POLB: variants seen among roughly 807,000 people sequenced by gnomAD.
POLB encodes DNA polymerase beta, also known as 5'-dRP lyase.
POLB carries 37 observed loss-of-function variants against 52.7 expected under a neutral mutation model. The observed-to-expected ratio is 0.70, with a 90% CI of 0.54 to 0.92. POLB has a LOEUF of 0.92. Among genes scored for constraint, POLB ranks in the 40% least tolerant of loss-of-function variants. The pLI is 0.00. For synonymous variants in POLB, 138 were observed against 131.3 expected (o/e 1.05, Z -0.35); for missense variants, 313 against 400.8 (o/e 0.78, Z 1.87).
chr8:42,362,648 A>C lies in POLB; in HGVS notation c.658A>C (p.Lys220Gln). Residue 220 changes from lysine to glutamine, a missense_variant, in exon 11 of 14, where the codon AAG becomes CAG. This residue lies in a region of POLB where 246 missense variants were observed against 297.6 expected (regional missense o/e 0.83). Transcript: ENST00000265421. ...LLHQVVEQLQ[K>Q]VHFITDTLSK... The stretch of plus-strand genomic sequence containing the variant: ...ACATCAGGTTGTGGAGCAGTTACAA[A>C]AGGTTCATTTTATCACAGATACCCT... The C allele has an allele frequency of 6.2e-7, 1 of 1,611,582 alleles. No homozygotes were observed. Among genetic ancestry groups the C allele is most frequent in the Non-Finnish European group, 8.5e-7 (1 of 1,177,856 alleles).
intron 11 of POLB, among the ~76,000 whole-genome samples, chr8:42,364,595 A>C (rs3136781): frequency 0.28 from 42,622 of 152,028 alleles, 10,539 homozygotes; most frequent in African/African-American, 0.67. Context: ...CCATTTTCTC[A>C]ACACCCCACT....
rs113761698 is a variant in POLB at position 42,368,987 on chromosome 8, C to T, written c.709-284C>T. On this transcript the variant is annotated intron_variant, in intron 11 of 13. Coordinates refer to ENST00000265421, the MANE Select transcript of POLB (RefSeq NM_002690.3). ...TCTGTTTATTTTGATGTCTGTGTTTCGTGTTCAGGGTTTTCTTTGATTAGT... is the reference window on the plus strand; with the variant it reads ...TCTGTTTATTTTGATGTCTGTGTTTTGTGTTCAGGGTTTTCTTTGATTAGT... 36 of 233,720 alleles carry T rather than the reference C, an allele frequency of 1.5e-4. 3 individuals carry two copies. Among genetic ancestry groups the T allele is most frequent in the African/African-American group, 6.3e-4 (28 of 44,426 alleles). 14.5% of individuals were successfully genotyped at this position (233,720 alleles called of 1,614,324 possible).
intron 2 of POLB, among the ~76,000 whole-genome samples, chr8:42,344,170 G>A (rs914257315): frequency 5.3e-5 from 8 of 150,886 alleles, no homozygotes; most frequent in Non-Finnish European, 8.9e-5. Context: ...GTGGCCGGGA[G>A]TGGTGGTTCA....
intron 7 of POLB, among the ~76,000 whole-genome samples, chr8:42,356,512 G>C (rs1252479834): frequency 1.3e-5 from 2 of 152,192 alleles, no homozygotes; most frequent in African/African-American, 4.8e-5. Flanking sequence ...GTTGTGCACA[G>C]TGTAGGAACC....
chr8:42,363,170 T>C (rs959195296), intron 11 of POLB, among the ~76,000 whole-genome samples: 13 of 151,614 alleles, frequency 8.6e-5, no homozygotes, highest in African/African-American at 2.9e-4. Flanking sequence ...CTGATTCTCA[T>C]AGCTACTCTC....
At chr8:42,348,968 G>A (rs993510101) in intron 3 of POLB, 48 bp from the exon 4 acceptor site, 2 of 972,704 alleles carry the variant, frequency 2.1e-6, no homozygotes, top group East Asian at 5.1e-5. Flanking sequence ...TAGTGATTTG[G>A]TAAGCATTAT....
intron 13 of POLB, among the ~76,000 whole-genome samples, chr8:42,370,789 G>A (rs1057468699): frequency 6.6e-6 from 1 of 152,134 alleles, no homozygotes; most frequent in Non-Finnish European, 1.5e-5. Flanking sequence ...TAGCTGATGA[G>A]CTTTAAAGAA....
At chr8:42,345,048 A>G (rs1822524170) in intron 3 of POLB, 29 bp downstream of exon 3, 2 of 1,511,770 alleles carry the variant, frequency 1.3e-6, no homozygotes, top group Non-Finnish European at 1.8e-6. Context: ...TTGATCGAAG[A>G]GTTCACACGT....
intron 5 of POLB, among the ~76,000 whole-genome samples, chr8:42,352,252 AAC>A (rs1480058206): frequency 1.3e-5 from 2 of 152,200 alleles, no homozygotes; most frequent in African/African-American, 4.8e-5. Context: ...TCAATGAATG[AAC>A]AGTTTTCAAG....
intron 11 of POLB, 51 bp downstream of exon 11, chr8:42,362,749 C>A: frequency 1.1e-6 from 1 of 927,404 alleles, no homozygotes; most frequent in African/African-American, 1.6e-5. Context: ...GGAGACTGTT[C>A]AGTAGCCATT....
intron 10 of POLB, 25 bp downstream of exon 10, chr8:42,361,390 G>C (rs1823673458): frequency 6.9e-7 from 1 of 1,441,568 alleles, no homozygotes; most frequent in East Asian, 2.3e-5. Context: ...ATAATCAATG[G>C]TGATCAGTCT....
At chr8:42,348,365 G>A (rs150764848) in intron 3 of POLB, among the ~76,000 whole-genome samples, 12 of 152,180 alleles carry the variant, frequency 7.9e-5, no homozygotes, top group Non-Finnish European at 1.5e-4. Context: ...TTCTTGAAAC[G>A]TGGATGTTGT....
intron 6 of POLB, 135 bp from the exon 7 acceptor site, chr8:42,355,381 G>T: frequency 1.6e-6 from 1 of 619,284 alleles, no homozygotes. Context: ...TGAAATTTTT[G>T]TCTCATTGTG....
At chr8:42,351,191 C>CT (rs200998296) in intron 5 of POLB, among the ~76,000 whole-genome samples, 2,755 of 152,156 alleles carry the variant, frequency 0.018, 33 homozygotes, top group Non-Finnish European at 0.029. Flanking sequence ...ATCTATTATC[C>CT]TTTTTTTCTA....
Position 42,349,994 on chromosome 8 carries a change from T to C in POLB, c.262-13T>C. The C allele has an allele frequency of 6.3e-7, 1 of 1,588,698 alleles. No homozygotes were observed. Among genetic ancestry groups the C allele is most frequent in the Non-Finnish European group, 8.6e-7 (1 of 1,157,152 alleles). On this transcript the variant is annotated splice_polypyrimidine_tract_variant and intron_variant, in intron 4 of 13. Transcript: ENST00000265421. ...ATTCCTAAATCATTGTTAGACTTTT[T>C]TTTTTCTTAAAGATTCGGCAGGATG...
chr8:42,352,573 G>C lies in POLB; in HGVS notation c.370+5G>C. On this transcript the variant is annotated splice_donor_5th_base_variant and intron_variant, in intron 6 of 13. Coordinates refer to ENST00000265421, the MANE Select transcript of POLB (RefSeq NM_002690.3). The stretch of plus-strand genomic sequence containing the variant: ...AAGGAATTAAAACACTAGAAGGTGA[G>C]TATGACTGTAGGTCACTAATTCCAG... 6.5e-7 allele frequency: 1 copy of C among 1,545,644 alleles called. No individual in the cohort carries two copies. The highest frequency in any genetic ancestry group is 8.9e-7 in the Non-Finnish European group (1 of 1,117,614).
intron 9 of POLB, chr8:42,357,728 CTT>C (rs373576053): frequency 4.9e-3 from 717 of 145,326 alleles, no homozygotes; most frequent in South Asian, 0.018. Flanking sequence ...TTTCTTTTTC[CTT>C]TTTTTTTTTT....
rs1395413023 is a variant in POLB at position 42,349,985 on chromosome 8, TAG to T, written c.262-20_262-19del. 1.2e-5 allele frequency: 19 copies of T among 1,556,684 alleles called. No homozygotes were observed. Among genetic ancestry groups the T allele is most frequent in the African/African-American group, 2.7e-5 (2 of 73,856 alleles). On this transcript the variant is annotated intron_variant, in intron 4 of 13. Transcript: ENST00000265421. ...CCTCAAAGCATTCCTAAATCATTGT[TAG>T]ACTTTTTTTTTTCTTAAAGATTCGG... is the stretch of plus-strand genomic sequence containing the variant.
intron 3 of POLB, among the ~76,000 whole-genome samples, chr8:42,347,077 A>AACTGAAAAGCTCTGAT (rs1292001303): frequency 4.6e-5 from 7 of 152,136 alleles, no homozygotes; most frequent in African/African-American, 1.7e-4. Flanking sequence ...TCTTAGAGAA[A>AACTGAAAAGCTCTGAT]AACTGAAAAG....
Sources: allele counts gnomAD v4.1 joint callset (sites outside exome capture counted in the v4.1 genomes callset), GRCh38; gene constraint gnomAD v4.1.1; regional missense constraint gnomAD v4.1.1; transcripts MANE v1.5; gene names NCBI Gene and HGNC (gene_info 2026-07-23, HGNC 2026-07-21).